The following DPP6 variants were observed in gnomAD, a reference collection of about 807,000 sequenced individuals.
DPP6 encodes the protein dipeptidyl peptidase like 6.
In DPP6, 69 loss-of-function variants were observed where a neutral mutation model predicts 122.6. That is an observed-to-expected ratio of 0.56 (90% confidence interval 0.46 to 0.69). The LOEUF (loss-of-function observed/expected upper bound fraction) is 0.69. Ranked by LOEUF, DPP6 falls within the 30% of genes least tolerant of loss-of-function variation. The pLI, the probability that DPP6 is intolerant of heterozygous loss-of-function variation, is 0.00. For synonymous variants in DPP6, 418 were observed against 433.1 expected (o/e 0.97, Z 0.43); for missense variants, 928 against 1,116.9 (o/e 0.83, Z 2.41).
chr7:154,767,017 G>A (rs552548141), intron 8 of DPP6, among the ~76,000 whole-genome samples: 1 of 152,324 alleles, frequency 6.6e-6, no homozygotes, highest in South Asian at 2.1e-4. Flanking sequence ...AGAAAAGATT[G>A]CTTTGGGTTC....
At chr7:153,858,947 G>T in the DPP6 span, among the ~76,000 whole-genome samples, 1 of 152,130 alleles carries the variant, frequency 6.6e-6, no homozygotes, top group South Asian at 2.1e-4. Context: ...CCCCATGACT[G>T]CCTTGCCATT....
At chr7:153,869,890 T>C in the DPP6 span, among the ~76,000 whole-genome samples, 1 of 152,324 alleles carries the variant, frequency 6.6e-6, no homozygotes, top group African/African-American at 2.4e-5. Flanking sequence ...TAAAGTATTT[T>C]ATTTCTCCTT....
chr7:154,888,725 G>A (rs568652371), intron 23 of DPP6, among the ~76,000 whole-genome samples: 61 of 152,296 alleles, frequency 4.0e-4, no homozygotes, highest in African/African-American at 1.3e-3. Context: ...GCTGGGTGTG[G>A]TATATTAGTC....
intron 18 of DPP6, among the ~76,000 whole-genome samples, chr7:154,871,194 A>T (rs1231169460): frequency 6.6e-6 from 1 of 151,874 alleles, no homozygotes; most frequent in Non-Finnish European, 1.5e-5. Context: ...AGCCTGCAGC[A>T]CTGGTGTGTG....
At chr7:154,419,832 G>A (rs1185267537) in intron 1 of DPP6, among the ~76,000 whole-genome samples, 1 of 152,098 alleles carries the variant, frequency 6.6e-6, no homozygotes, top group Non-Finnish European at 1.5e-5. Context: ...CACCAGCAGT[G>A]TGCTCCAGGG....
At chr7:154,172,659 G>T (rs1797596876) in intron 1 of DPP6, among the ~76,000 whole-genome samples, 1 of 136,892 alleles carries the variant, frequency 7.3e-6, no homozygotes. Flanking sequence ...GGACTGCAGT[G>T]GTGCCATCAC....
intron 4 of DPP6, among the ~76,000 whole-genome samples, chr7:154,554,636 G>A (rs1829883684): frequency 6.6e-6 from 1 of 152,080 alleles, no homozygotes; most frequent in African/African-American, 2.4e-5. Context: ...CATACATGTA[G>A]ACCAATATTT....
intron 1 of DPP6, among the ~76,000 whole-genome samples, chr7:154,313,712 T>TATATATATATATATGC (rs1554515587): frequency 0.036 from 890 of 24,724 alleles, 211 homozygotes; most frequent in Middle Eastern, 0.12. Flanking sequence ...TATATATATA[T>TATATATATATATATGC]ATACACACAC....
At chr7:154,366,768 A>C (rs966186794) in intron 1 of DPP6, among the ~76,000 whole-genome samples, 4 of 152,216 alleles carry the variant, frequency 2.6e-5, no homozygotes, top group African/African-American at 9.6e-5. Flanking sequence ...AAAAAATCAG[A>C]AAGTTGAAAC....
intron 1 of DPP6, among the ~76,000 whole-genome samples, chr7:154,104,553 T>C (rs2150574629): frequency 6.6e-6 from 1 of 152,364 alleles, no homozygotes; most frequent in East Asian, 1.9e-4. Flanking sequence ...TCTGCTACCG[T>C]GTATTTATTT....
At chr7:154,477,308 C>G (rs1040544094) in intron 3 of DPP6, among the ~76,000 whole-genome samples, 2 of 151,110 alleles carry the variant, frequency 1.3e-5, no homozygotes, top group East Asian at 1.9e-4. Flanking sequence ...TGCTCCTTCT[C>G]TGCTTCTCCT....
At chr7:154,631,115 C>T (rs970247478) in intron 5 of DPP6, among the ~76,000 whole-genome samples, 11 of 152,258 alleles carry the variant, frequency 7.2e-5, no homozygotes, top group South Asian at 2.1e-4. Context: ...AGCATAAAGA[C>T]GTAAATTCAG....
At chr7:154,690,569 C>CGA (rs1563107691) in intron 7 of DPP6, among the ~76,000 whole-genome samples, 2 of 152,134 alleles carry the variant, frequency 1.3e-5, no homozygotes. Flanking sequence ...CAGCCTACAG[C>CGA]GAGAGAGGAA....
chr7:154,507,506 C>G (rs1825754351), intron 3 of DPP6, among the ~76,000 whole-genome samples: 1 of 152,054 alleles, frequency 6.6e-6, no homozygotes, highest in Non-Finnish European at 1.5e-5. Context: ...ATGGAAAATA[C>G]AGAGAAGGGT....
intron 1 of DPP6, among the ~76,000 whole-genome samples, chr7:154,086,620 C>T (rs2533658): frequency 1.5e-5 from 2 of 136,572 alleles, no homozygotes; most frequent in Non-Finnish European, 3.1e-5. Flanking sequence ...AGAGCTTACT[C>T]TTTTTTTTTT....
At chr7:153,804,826 G>A in the DPP6 span, among the ~76,000 whole-genome samples, 1 of 152,060 alleles carries the variant, frequency 6.6e-6, no homozygotes, top group Admixed American at 6.5e-5. Flanking sequence ...AGAGGTTGCA[G>A]TGAGCCGAGA....
intron 1 of DPP6, among the ~76,000 whole-genome samples, chr7:154,431,700 A>ATTTGT (rs1818439201): frequency 1.3e-5 from 2 of 151,426 alleles, no homozygotes; most frequent in Non-Finnish European, 2.9e-5. Flanking sequence ...ACGCCTGGCT[A>ATTTGT]ATTTTTGTAT....
At chr7:154,856,190 C>T (rs1047875747) in intron 17 of DPP6, among the ~76,000 whole-genome samples, 1 of 152,224 alleles carries the variant, frequency 6.6e-6, no homozygotes, top group African/African-American at 2.4e-5. Flanking sequence ...GCATATGGCT[C>T]TTCTTACAAA....
chr7:154,841,889 A>G (rs947112022), intron 16 of DPP6, among the ~76,000 whole-genome samples: 1 of 152,192 alleles, frequency 6.6e-6, no homozygotes, highest in African/African-American at 2.4e-5. Flanking sequence ...GGGTGGGGAC[A>G]GCCTCAATCC....
Sources: allele counts gnomAD v4.1 joint callset (sites outside exome capture counted in the v4.1 genomes callset), GRCh38; gene constraint gnomAD v4.1.1; transcripts MANE v1.5; gene names NCBI Gene and HGNC (gene_info 2026-07-23, HGNC 2026-07-21).